Variants in TBC1D1 observed in about 807,000 individuals in gnomAD.
The protein encoded by TBC1D1 is TBC1 (tre-2/USP6, BUB2, cdc16) domain family, member 1.
In TBC1D1, 89 loss-of-function variants were observed where a neutral mutation model predicts 125.6. That is an observed-to-expected ratio of 0.71 (90% CI 0.60 to 0.85). TBC1D1 has a LOEUF of 0.85. Among genes scored for constraint, TBC1D1 ranks in the 40% least tolerant of loss-of-function variants. The probability of loss-of-function intolerance (pLI) is 0.00; values close to 1 mark genes in which losing one functional copy is unlikely to be tolerated. For missense variants in TBC1D1, 1,377 were observed against 1,469.2 expected (o/e 0.94, Z 1.03); for synonymous variants, 565 against 564.1 (o/e 1.00, Z -0.02).
At position 38,121,120 on chromosome 4, in the gene TBC1D1, AGTCT is replaced by A. The variant is rs575741490; in HGVS notation, c.2962+2935_2962+2938del. ...ATGCCGCGTGATGATGAGTGTGTCC[AGTCT>A]GTCTGTGCTGTTGTTCTGCACAGCA... On this transcript the variant is annotated intron_variant, in intron 17 of 19. Coordinates refer to ENST00000261439, the MANE Select transcript of TBC1D1 (RefSeq NM_015173.4). Among the ~76,000 whole-genome samples the A allele has an allele frequency of 4.5e-3, 683 of 152,332 alleles. 9 individuals are homozygous for A. The highest frequency in any genetic ancestry group is 0.015 in the African/African-American group (624 of 41,580).
intron 15 of TBC1D1, among the ~76,000 whole-genome samples, chr4:38,111,466 A>G (rs1448792254): frequency 6.6e-6 from 1 of 152,246 alleles, no homozygotes; most frequent in African/African-American, 2.4e-5. Flanking sequence ...TTACATAGCT[A>G]TAATAAACTC....
chr4:37,962,300 C>T (rs941761562), intron 2 of TBC1D1, among the ~76,000 whole-genome samples: 2 of 152,208 alleles, frequency 1.3e-5, no homozygotes, highest in African/African-American at 4.8e-5. Flanking sequence ...ACATCACATT[C>T]TGTAAATGGT....
At chr4:37,973,535 C>T (rs1463688122) in intron 2 of TBC1D1, among the ~76,000 whole-genome samples, 9 of 152,180 alleles carry the variant, frequency 5.9e-5, no homozygotes, top group Non-Finnish European at 1.3e-4. Flanking sequence ...TTCTCCTCAT[C>T]CTTTCCCCAG....
At chr4:38,032,640 C>A (rs986080095) in intron 7 of TBC1D1, among the ~76,000 whole-genome samples, 1 of 152,178 alleles carries the variant, frequency 6.6e-6, no homozygotes, top group East Asian at 1.9e-4. Context: ...CAAGACCATC[C>A]TGGCTAACAC....
chr4:37,937,808 T>C (rs1577946814), intron 2 of TBC1D1, among the ~76,000 whole-genome samples: 1 of 152,186 alleles, frequency 6.6e-6, no homozygotes, highest in East Asian at 1.9e-4. Context: ...GTGTTGCTGG[T>C]GGTTCCTAAC....
At chr4:38,032,555 C>T (rs983900230) in intron 7 of TBC1D1, among the ~76,000 whole-genome samples, 1 of 152,090 alleles carries the variant, frequency 6.6e-6, no homozygotes, top group Non-Finnish European at 1.5e-5. Flanking sequence ...AATGATTTGG[C>T]CCAGAGCAGT....
intron 6 of TBC1D1, among the ~76,000 whole-genome samples, chr4:38,023,102 C>T (rs1166989138): frequency 3.3e-5 from 5 of 151,790 alleles, no homozygotes; most frequent in Non-Finnish European, 7.4e-5. Flanking sequence ...CAAAAATTAG[C>T]TGGGTGTGGT....
rs1444946334 is a variant in TBC1D1 at position 38,114,128 on chromosome 4, G to A, written c.2558-1582G>A. The stretch of plus-strand genomic sequence containing the variant: ...CCTGCTTCTGGTGCCCAGGCTAAGC[G>A]CTGGAGTGGAAGATAAAGCTGGGAG... On this transcript the variant is annotated intron_variant, in intron 15 of 19. Transcript: ENST00000261439. 2.0e-4 allele frequency among the ~76,000 whole-genome samples: 31 copies of A among 152,154 alleles called. 1 individual carries two copies. Among genetic ancestry groups the A allele is most frequent in the Admixed American group, 1.8e-3 (28 of 15,284 alleles).
chr4:38,084,725 C>CT (rs71658753), intron 12 of TBC1D1, among the ~76,000 whole-genome samples: 33,709 of 143,854 alleles, frequency 0.23, 4,268 homozygotes, highest in East Asian at 0.44. Context: ...TTTTTAACTT[C>CT]TTTTTTTTTT....
At chr4:38,126,764 T>C (rs1287747395) in intron 18 of TBC1D1, among the ~76,000 whole-genome samples, 1 of 152,084 alleles carries the variant, frequency 6.6e-6, no homozygotes, top group East Asian at 1.9e-4. Context: ...CCTGAGAGGA[T>C]ATAAAGTGGT....
intron 2 of TBC1D1, among the ~76,000 whole-genome samples, chr4:37,915,643 C>G (rs756291932): frequency 1.3e-4 from 20 of 152,290 alleles, no homozygotes; most frequent in South Asian, 6.2e-4. Flanking sequence ...AGACATACCC[C>G]AGAAATAATG....
chr4:37,977,714 T>C lies in TBC1D1; in HGVS notation c.418-36795T>C, dbSNP rs1466859290. Among the ~76,000 whole-genome samples the C allele has an allele frequency of 6.6e-6, 1 of 152,044 alleles. No individual in the cohort carries two copies. Among genetic ancestry groups the C allele is most frequent in the African/African-American group, 2.4e-5 (1 of 41,526 alleles). On this transcript the variant is annotated intron_variant, in intron 2 of 19. Coordinates refer to ENST00000261439, the MANE Select transcript of TBC1D1 (RefSeq NM_015173.4). The surrounding 1 kb of genome is among the most constrained non-coding windows in gnomAD (Gnocchi z 4.3). ...CATTCATTAGTCTCCCAGATCCCTGTGGGGAGGACGGGCGAGGTAGCGGCG... is the reference window on the plus strand; with the variant it reads ...CATTCATTAGTCTCCCAGATCCCTGCGGGGAGGACGGGCGAGGTAGCGGCG...
chr4:38,014,157 C>G lies in TBC1D1; in HGVS notation c.418-352C>G, dbSNP rs1319757204. Among the ~76,000 whole-genome samples the G allele has an allele frequency of 6.6e-6, 1 of 152,188 alleles. No individual in the cohort carries two copies. The highest frequency in any genetic ancestry group is 1.5e-5 in the Non-Finnish European group (1 of 68,032). Reference sequence around the variant, plus strand: ...GGAGGCCTTTAGCTTTGGAGTGGGACCAGCCTGGGCTTGAATCCAAGGCCT... The same window carrying G: ...GGAGGCCTTTAGCTTTGGAGTGGGAGCAGCCTGGGCTTGAATCCAAGGCCT... On this transcript the variant is annotated intron_variant, in intron 2 of 19. Transcript: ENST00000261439. The surrounding 1 kb of genome is among the most constrained non-coding windows in gnomAD (Gnocchi z 5.1).
At position 38,014,723 on chromosome 4, in the gene TBC1D1, G is replaced by GCCCCCCCCCCCACCCCCCCCCATCCCC; in HGVS notation, c.637_638insCCCCCCACCCCCCCCCATCCCCCCCCC (p.Pro212_Arg213insProProHisProProProSerProPro). The stretch of plus-strand genomic sequence containing the variant: ...GTCAGCGGCAGCCGGGGGTCCGAGA[G>GCCCCCCCCCCCACCCCCCCCCATCCCC]CCCCCGCCCCAACCCGCCCCATGCC... On this transcript the variant is annotated inframe_insertion, in exon 3 of 20. Coordinates refer to ENST00000261439, the MANE Select transcript of TBC1D1 (RefSeq NM_015173.4). This position sits in a 1 kb window ranked among gnomAD's most constrained non-coding sequence, Gnocchi z 5.1. 1.2e-6 allele frequency: 2 copies of GCCCCCCCCCCCACCCCCCCCCATCCCC among 1,600,222 alleles called. No individual in the cohort carries two copies. The highest frequency in any genetic ancestry group is 1.1e-5 in the South Asian group (1 of 90,830).
At chr4:38,078,082 G>A (rs1419604975) in intron 12 of TBC1D1, among the ~76,000 whole-genome samples, 3 of 152,068 alleles carry the variant, frequency 2.0e-5, no homozygotes, top group African/African-American at 7.2e-5. Context: ...AGCACAGGTC[G>A]GTGGCCACGT....
intron 2 of TBC1D1, among the ~76,000 whole-genome samples, chr4:38,013,130 G>A (rs758928114): frequency 2.6e-5 from 4 of 152,120 alleles, no homozygotes; most frequent in Non-Finnish European, 4.4e-5. Context: ...GTCTCATCAG[G>A]TATCAATTAT....
At chr4:37,997,442 TAA>T (rs1390307470) in intron 2 of TBC1D1, among the ~76,000 whole-genome samples, 1 of 152,234 alleles carries the variant, frequency 6.6e-6, no homozygotes, top group Non-Finnish European at 1.5e-5. Context: ...ACTTGTACAT[TAA>T]AAGAGTTTAT....
At chr4:37,988,658 G>T (rs1735930328) in intron 2 of TBC1D1, among the ~76,000 whole-genome samples, 1 of 152,130 alleles carries the variant, frequency 6.6e-6, no homozygotes, top group South Asian at 2.1e-4. Context: ...GCCCACTATA[G>T]GTGAGATGTC....
At chr4:38,039,426 C>A (rs1747921565) in intron 8 of TBC1D1, among the ~76,000 whole-genome samples, 1 of 152,038 alleles carries the variant, frequency 6.6e-6, no homozygotes, top group South Asian at 2.1e-4. Context: ...CGGCATCATA[C>A]TCTTTGAGTT....
Sources: allele counts gnomAD v4.1 joint callset (sites outside exome capture counted in the v4.1 genomes callset), GRCh38; gene constraint gnomAD v4.1.1; non-coding constraint Gnocchi (gnomAD v3.1); transcripts MANE v1.5; gene names NCBI Gene and HGNC (gene_info 2026-07-23, HGNC 2026-07-21).